ITGA8: variants seen among roughly 807,000 people sequenced by gnomAD.
ITGA8 encodes the protein integrin subunit alpha 8.
A neutral mutation model predicts 142.3 loss-of-function variants in ITGA8; 91 were observed. The observed-to-expected ratio is 0.64, with a 90% CI of 0.54 to 0.76. ITGA8 has a LOEUF of 0.76. Among genes scored for constraint, ITGA8 ranks in the 30% least tolerant of loss-of-function variants. The pLI is 0.00. For synonymous variants in ITGA8, 505 were observed against 485.2 expected (o/e 1.04, Z -0.54); for missense variants, 1,406 against 1,327.7 (o/e 1.06, Z -0.92).
intron 15 of ITGA8, among the ~76,000 whole-genome samples, chr10:15,612,293 A>T (rs1833312326): frequency 6.6e-6 from 1 of 152,216 alleles, no homozygotes; most frequent in African/African-American, 2.4e-5. Flanking sequence ...CTTTGACTCC[A>T]GTATGAACTC....
At chr10:15,637,807 T>A (rs1048819100) in intron 13 of ITGA8, among the ~76,000 whole-genome samples, 193 of 2,424 alleles carry the variant, frequency 0.08, 3 homozygotes, top group South Asian at 0.5. Context: ...ACTTTAAAAG[T>A]TTTTTTTTTT....
intron 14 of ITGA8, 122 bp from the exon 15 acceptor site, chr10:15,613,889 G>T (rs1045092425): frequency 1.5e-6 from 1 of 654,764 alleles, no homozygotes. Context: ...CATTGCCAAC[G>T]TTCTCAGCAT....
intron 3 of ITGA8, among the ~76,000 whole-genome samples, chr10:15,687,549 G>T (rs1353144180): frequency 6.6e-6 from 1 of 152,092 alleles, no homozygotes; most frequent in East Asian, 1.9e-4. Flanking sequence ...GTGTAAAAAG[G>T]ATCAATGAAA....
intron 23 of ITGA8, among the ~76,000 whole-genome samples, chr10:15,585,215 T>A (rs1392929582): frequency 2.6e-5 from 4 of 152,142 alleles, no homozygotes; most frequent in Non-Finnish European, 4.4e-5. Context: ...AAAAACTATA[T>A]CCCAGGCAGG....
chr10:15,581,097 A>T (rs1834399178), intron 23 of ITGA8, among the ~76,000 whole-genome samples: 2 of 152,222 alleles, frequency 1.3e-5, no homozygotes, highest in Non-Finnish European at 1.5e-5. Flanking sequence ...ATCACAATGG[A>T]TATCCTAACA....
chr10:15,625,014 C>T (rs1317782768), intron 13 of ITGA8, among the ~76,000 whole-genome samples: 1 of 151,998 alleles, frequency 6.6e-6, no homozygotes, highest in Non-Finnish European at 1.5e-5. Context: ...TGCCTGTCTG[C>T]CTTGCTTTTT....
chr10:15,575,003 A>T (rs921169141), intron 24 of ITGA8, among the ~76,000 whole-genome samples: 4 of 152,178 alleles, frequency 2.6e-5, no homozygotes, highest in African/African-American at 9.6e-5. Context: ...GGAACAAGTG[A>T]TTATATCCAG....
intron 17 of ITGA8, among the ~76,000 whole-genome samples, chr10:15,607,027 A>T (rs893505672): frequency 1.3e-5 from 2 of 152,190 alleles, no homozygotes; most frequent in Admixed American, 1.3e-4. Flanking sequence ...ATCAAGGGTC[A>T]GGTATCCAAC....
chr10:15,577,278 A>G (rs997323330), intron 23 of ITGA8, among the ~76,000 whole-genome samples: 29 of 152,162 alleles, frequency 1.9e-4, no homozygotes, highest in African/African-American at 6.3e-4. Flanking sequence ...TCATAGAATC[A>G]TATGTATTTG....
At chr10:15,655,250 A>G in intron 11 of ITGA8, 104 bp downstream of exon 11, 1 of 730,136 alleles carries the variant, frequency 1.4e-6, no homozygotes, top group East Asian at 2.8e-5. Flanking sequence ...GAGAGCCTCT[A>G]TCTTGTTGAG....
chr10:15,665,527 C>T (rs141799628), intron 8 of ITGA8, among the ~76,000 whole-genome samples: 5,796 of 151,618 alleles, frequency 0.038, 133 homozygotes, highest in Non-Finnish European at 0.057. Flanking sequence ...TTAATTAGAT[C>T]CCATTTGTCA....
chr10:15,658,060 A>G (rs761577858), intron 10 of ITGA8, among the ~76,000 whole-genome samples: 4 of 152,232 alleles, frequency 2.6e-5, no homozygotes, highest in Admixed American at 6.5e-5. Context: ...ATGGAAAGGA[A>G]TTAACATTTC....
At chr10:15,644,668 G>C (rs1833945004) in intron 12 of ITGA8, among the ~76,000 whole-genome samples, 1 of 150,394 alleles carries the variant, frequency 6.6e-6, no homozygotes, top group South Asian at 2.1e-4. Context: ...GAATGGTTCA[G>C]AAATAGTTTA....
At chr10:15,671,879 C>CAAA (rs34588118) in intron 7 of ITGA8, among the ~76,000 whole-genome samples, 42 of 79,702 alleles carry the variant, frequency 5.3e-4, no homozygotes, top group African/African-American at 1.5e-3. Context: ...AGGAGCAAAG[C>CAAA]AAAAAAAAAA....
At chr10:15,606,454 C>G in intron 17 of ITGA8, 32 bp from the exon 18 acceptor site, 1 of 1,569,784 alleles carries the variant, frequency 6.4e-7, no homozygotes, top group East Asian at 2.3e-5. Flanking sequence ...TCAACAGAGG[C>G]TCCATGAAAT....
In ITGA8 at chr10:15,658,804, A is replaced by G. The variant is rs7097592; in HGVS notation, c.948+195T>C. On this transcript the variant is annotated intron_variant, in intron 10 of 29. Transcript: ENST00000378076. ...TGTCCCTTCCTCTCCCTCCCCTGCC[A>G]CCTCACTGCTGCCTGAGAGCTGGAT... Among the ~76,000 whole-genome samples the G allele has an allele frequency of 0.94, 143,510 of 152,262 alleles. 68,117 individuals carry two copies. The highest frequency in any genetic ancestry group is 1 in the Non-Finnish European group (67,922 of 68,036).
At chr10:15,545,989 G>GGAAC (rs1833661369) in intron 27 of ITGA8, among the ~76,000 whole-genome samples, 3 of 152,074 alleles carry the variant, frequency 2.0e-5, no homozygotes. Flanking sequence ...TGACACACTG[G>GGAAC]TCTCCATTTG....
chr10:15,680,355 G>A (rs867137890), intron 4 of ITGA8, among the ~76,000 whole-genome samples: 17 of 149,912 alleles, frequency 1.1e-4, no homozygotes, highest in Non-Finnish European at 1.2e-4. Flanking sequence ...AGCCTCCCGA[G>A]TCCTTTATTT....
chr10:15,572,813 G>A (rs1834209560), intron 24 of ITGA8, among the ~76,000 whole-genome samples: 1 of 152,152 alleles, frequency 6.6e-6, no homozygotes. Context: ...TTCACCCTCT[G>A]GAAGAATGTC....
Sources: allele counts gnomAD v4.1 joint callset (sites outside exome capture counted in the v4.1 genomes callset), GRCh38; gene constraint gnomAD v4.1.1; transcripts MANE v1.5; gene names NCBI Gene and HGNC (gene_info 2026-07-23, HGNC 2026-07-21).